The following EHD3 variants were observed in gnomAD, a reference collection of about 807,000 sequenced individuals.
EHD3 encodes EH domain containing 3, also known as EH domain-containing protein 3.
Under a neutral mutation model 43.0 loss-of-function variants are expected in EHD3, and 17 were observed. That is an observed-to-expected ratio of 0.40 (90% CI 0.27 to 0.59). EHD3 has a LOEUF of 0.59. Among genes scored for constraint, EHD3 ranks in the 20% least tolerant of loss-of-function variants. The pLI is 0.49. For synonymous variants in EHD3, 313 were observed against 289.5 expected (o/e 1.08, Z -0.82); for missense variants, 594 against 705.6 (o/e 0.84, Z 1.79).
chr2:31,260,063 T>C lies in EHD3; in HGVS notation c.503-447T>C, dbSNP rs902196413. Among the ~76,000 whole-genome samples the C allele has an allele frequency of 1.6e-4, 24 of 152,116 alleles. No individual in the cohort carries two copies. The highest frequency in any genetic ancestry group is 8.8e-5 in the Non-Finnish European group (6 of 68,026). On this transcript the variant is annotated intron_variant, in intron 3 of 5. Transcript: ENST00000322054. The surrounding 1 kb of genome is among the most constrained non-coding windows in gnomAD (Gnocchi z 4.6). ...TAAAAACACAAAAATTAGACGGGCA[T>C]GGTGGCGCATGCCTGTAATCCCAGC...
At chr2:31,243,444 CTT>C (rs1683458557) in intron 1 of EHD3, among the ~76,000 whole-genome samples, 1 of 81,928 alleles carries the variant, frequency 1.2e-5, no homozygotes, top group Admixed American at 1.6e-4. Context: ...TTCTTTCTTT[CTT>C]TCTTTCTTTC....
chr2:31,235,948 T>C (rs1348566418), intron 1 of EHD3, among the ~76,000 whole-genome samples: 1 of 152,120 alleles, frequency 6.6e-6, no homozygotes, highest in Non-Finnish European at 1.5e-5. Context: ...GAGAATGGAG[T>C]TTGGTGGCCC....
Position 31,243,458 on chromosome 2 carries a change from TTC to T in EHD3, c.228-814_228-813del, listed in dbSNP as rs1330938939. ...TTTCTTTCTTTCTTTCTTTCTTTCT[TTC>T]TTTTTTTTTTTTTGAGACAGAGTTT... On this transcript the variant is annotated intron_variant, in intron 1 of 5. Coordinates refer to ENST00000322054, the MANE Select transcript of EHD3 (RefSeq NM_014600.3). Among the ~76,000 whole-genome samples, 74 of 124,912 alleles carry T rather than the reference TTC, an allele frequency of 5.9e-4. 4 individuals are homozygous for T. Among genetic ancestry groups the T allele is most frequent in the African/African-American group, 1.7e-3 (53 of 31,650 alleles). 81.9% of individuals were successfully genotyped at this position (124,912 alleles called of 152,430 possible).
At chr2:31,244,836 A>G (rs916755351) in intron 2 of EHD3, among the ~76,000 whole-genome samples, 2 of 152,132 alleles carry the variant, frequency 1.3e-5, no homozygotes, top group South Asian at 2.1e-4. Flanking sequence ...TTTTCTATTC[A>G]CGGATATTGT....
At chr2:31,240,858 C>T (rs530176286) in intron 1 of EHD3, among the ~76,000 whole-genome samples, 3 of 152,150 alleles carry the variant, frequency 2.0e-5, no homozygotes, top group Admixed American at 6.5e-5. Flanking sequence ...CCCTACTTCC[C>T]GCAATCCACT....
intron 5 of EHD3, among the ~76,000 whole-genome samples, chr2:31,262,828 T>C (rs1352770222): frequency 6.6e-6 from 1 of 152,190 alleles, no homozygotes; most frequent in Non-Finnish European, 1.5e-5. Context: ...GGCATGAGAA[T>C]CACTTGAACC....
intron 5 of EHD3, among the ~76,000 whole-genome samples, chr2:31,264,533 C>CTTTTTTTTTTT (rs35446028): frequency 8.8e-6 from 1 of 114,150 alleles, no homozygotes; most frequent in African/African-American, 3.5e-5. Context: ...ACTTTACAGA[C>CTTTTTTTTTTT]TTTTTTTTTT....
chr2:31,238,203 T>C (rs1683357055), intron 1 of EHD3, among the ~76,000 whole-genome samples: 1 of 152,174 alleles, frequency 6.6e-6, no homozygotes, highest in Non-Finnish European at 1.5e-5. Flanking sequence ...GATAAGTGCG[T>C]CCATGCCTAG....
chr2:31,238,004 GT>G (rs1464098641), intron 1 of EHD3, among the ~76,000 whole-genome samples: 2 of 151,470 alleles, frequency 1.3e-5, no homozygotes, highest in Non-Finnish European at 2.9e-5. Context: ...TTTTTTGTTT[GT>G]TTTTGTTTTT....
intron 1 of EHD3, among the ~76,000 whole-genome samples, chr2:31,240,490 G>A (rs374397155): frequency 5.9e-5 from 9 of 152,278 alleles, no homozygotes; most frequent in African/African-American, 1.4e-4. Flanking sequence ...TACCCCACCC[G>A]ACTGTGCTGC....
chr2:31,266,797 C>A lies in EHD3; in HGVS notation c.*93C>A. The A allele has an allele frequency of 7.6e-7, 1 of 1,323,958 alleles. No individual in the cohort carries two copies. The highest frequency in any genetic ancestry group is 1.0e-6 in the Non-Finnish European group (1 of 979,008). 82.0% of individuals were successfully genotyped at this position (1,323,958 alleles called of 1,614,324 possible). On this transcript the variant is annotated 3_prime_UTR_variant, in exon 6 of 6. Coordinates refer to ENST00000322054, the MANE Select transcript of EHD3 (RefSeq NM_014600.3). The surrounding 1 kb of genome is among the most constrained non-coding windows in gnomAD (Gnocchi z 5.1). ...ACACACACACACACACACACACAAA[C>A]ATGCACACACACATATGCATATCTT...
At chr2:31,237,622 C>T (rs1457401430) in intron 1 of EHD3, among the ~76,000 whole-genome samples, 3 of 152,194 alleles carry the variant, frequency 2.0e-5, no homozygotes, top group Non-Finnish European at 4.4e-5. Flanking sequence ...GCAGACTGGT[C>T]TTGAACTCCT....
At chr2:31,241,742 T>C (rs1252557341) in intron 1 of EHD3, among the ~76,000 whole-genome samples, 1 of 152,158 alleles carries the variant, frequency 6.6e-6, no homozygotes, top group African/African-American at 2.4e-5. Context: ...TAGCCCTCAA[T>C]GTTAGAGAAA....
chr2:31,268,828 T>A lies in EHD3; in HGVS notation c.*2124T>A, dbSNP rs913016148. 6.6e-6 allele frequency: 1 copy of A among 152,218 alleles called. No individual in the cohort carries two copies. Among genetic ancestry groups the A allele is most frequent in the Non-Finnish European group, 1.5e-5 (1 of 68,040 alleles). 9.4% of individuals were successfully genotyped at this position (152,218 alleles called of 1,614,324 possible). On this transcript the variant is annotated 3_prime_UTR_variant, in exon 6 of 6. Coordinates refer to ENST00000322054, the MANE Select transcript of EHD3 (RefSeq NM_014600.3). ...AAATAGCAGAGGTAGGTGAAGTTCC[T>A]GTCTTTTTATTTTATAGGAAAGGGA...
chr2:31,243,452 C>CTTT (rs1266371746), intron 1 of EHD3, among the ~76,000 whole-genome samples: 802 of 34,708 alleles, frequency 0.023, 16 homozygotes, highest in African/African-American at 0.063. Flanking sequence ...TTCTTTCTTT[C>CTTT]TTTCTTTCTT....
intron 1 of EHD3, among the ~76,000 whole-genome samples, chr2:31,237,551 C>A (rs1001584368): frequency 6.6e-6 from 1 of 152,014 alleles, no homozygotes; most frequent in Non-Finnish European, 1.5e-5. Flanking sequence ...GTTACGGGCA[C>A]CCGCCAACAC....
rs181423302 is a variant in EHD3 at position 31,268,842 on chromosome 2, A to T, written c.*2138A>T. 1 of 152,310 alleles carries T rather than the reference A, an allele frequency of 6.6e-6. No individual in the cohort carries two copies. The highest frequency in any genetic ancestry group is 6.5e-5 in the Admixed American group (1 of 15,302). The allele number at this position is 152,310 out of a possible 1,614,324, so 9.4% of individuals were successfully genotyped here. A position where few individuals can be genotyped will look rare whatever the true frequency, so the allele number is the denominator to read the frequency against. On this transcript the variant is annotated 3_prime_UTR_variant, in exon 6 of 6. Transcript: ENST00000322054. ...GGTGAAGTTCCTGTCTTTTTATTTT[A>T]TAGGAAAGGGAGATGTCTGTTATCC... is the stretch of plus-strand genomic sequence containing the variant.
In EHD3 at chr2:31,244,370, C is replaced by T. The variant is rs1683479545; in HGVS notation, c.324C>T (p.Ile108=). 1.9e-6 allele frequency: 3 copies of T among 1,614,240 alleles called. No individual in the cohort carries two copies. The highest frequency in any genetic ancestry group is 3.3e-4 in the Middle Eastern group (2 of 6,062). The change falls in exon 2 of 6, where the codon ATC becomes ATT. Residue 108 remains isoleucine, a synonymous_variant. Coordinates refer to ENST00000322054, the MANE Select transcript of EHD3 (RefSeq NM_014600.3). ...IAVMQGDMEG[I]IPGNALVVDP... The stretch of plus-strand genomic sequence containing the variant: ...TGATGCAGGGAGACATGGAGGGGAT[C>T]ATCCCTGGGAACGCCCTGGTGGTGG...
At chr2:31,247,090 T>C (rs576315260) in intron 2 of EHD3, among the ~76,000 whole-genome samples, 2 of 152,226 alleles carry the variant, frequency 1.3e-5, no homozygotes, top group African/African-American at 4.8e-5. Flanking sequence ...AGAGACAGGG[T>C]TTCACCATGT....
Sources: allele counts gnomAD v4.1 joint callset (sites outside exome capture counted in the v4.1 genomes callset), GRCh38; gene constraint gnomAD v4.1.1; non-coding constraint Gnocchi (gnomAD v3.1); transcripts MANE v1.5; gene names NCBI Gene and HGNC (gene_info 2026-07-23, HGNC 2026-07-21).